Variants in NBEAL1 observed in about 807,000 individuals in gnomAD.
The protein encoded by NBEAL1 is neurobeachin like 1, also known as neurobeachin-like protein 1.
NBEAL1 carries 273 observed loss-of-function variants against 351.3 expected under a neutral mutation model. The ratio of observed to expected loss-of-function variants is 0.78; its 90% confidence interval spans 0.70 to 0.86. The LOEUF is 0.86. NBEAL1 is among the 40% of genes least tolerant of loss of function. The pLI is 0.00. For missense variants in NBEAL1, 2,961 were observed against 3,201.3 expected, an observed-to-expected ratio of 0.92 and a Z score of 1.81; for synonymous variants, 1,050 against 1,086.4, an observed-to-expected ratio of 0.97 and a Z score of 0.66.
intron 3 of NBEAL1, among the ~76,000 whole-genome samples, chr2:203,045,475 C>T (rs1340135691): frequency 1.3e-5 from 2 of 152,082 alleles, no homozygotes; most frequent in Non-Finnish European, 2.9e-5. Flanking sequence ...ATGAAAGAAT[C>T]CAAAGCTACA....
At chr2:203,141,232 G>A (rs2106327462) in intron 31 of NBEAL1, among the ~76,000 whole-genome samples, 1 of 23,048 alleles carries the variant, frequency 4.3e-5, no homozygotes, top group East Asian at 1.4e-3. Flanking sequence ...TTAATTTGAT[G>A]AAATTTCCTA....
intron 33 of NBEAL1, among the ~76,000 whole-genome samples, chr2:203,145,397 C>A (rs2063484567): frequency 6.6e-6 from 1 of 151,890 alleles, no homozygotes; most frequent in African/African-American, 2.4e-5. Flanking sequence ...TTAATAGATC[C>A]CTCTAAGGAG....
chr2:203,184,896 T>TA (rs79340619), intron 44 of NBEAL1, among the ~76,000 whole-genome samples: 107 of 140,368 alleles, frequency 7.6e-4, no homozygotes, highest in Middle Eastern at 3.6e-3. Context: ...ACCCTGTATT[T>TA]AAAAAAAAAA....
intron 33 of NBEAL1, among the ~76,000 whole-genome samples, chr2:203,147,896 G>A (rs1234235445): frequency 6.6e-6 from 1 of 151,866 alleles, no homozygotes; most frequent in Non-Finnish European, 1.5e-5. Context: ...CTACCAGTTT[G>A]TATTCTCATC....
intron 8 of NBEAL1, among the ~76,000 whole-genome samples, chr2:203,079,538 C>A (rs1372240529): frequency 6.6e-6 from 1 of 152,102 alleles, no homozygotes; most frequent in Non-Finnish European, 1.5e-5. Context: ...CCCTCTGTTT[C>A]TTTCTCTATC....
intron 12 of NBEAL1, among the ~76,000 whole-genome samples, chr2:203,103,954 A>G (rs1381822750): frequency 6.6e-6 from 1 of 152,130 alleles, no homozygotes; most frequent in Non-Finnish European, 1.5e-5. Flanking sequence ...TTATTGTACT[A>G]TGGTTCGAGA....
At chr2:203,055,225 T>C (rs975409508) in intron 4 of NBEAL1, among the ~76,000 whole-genome samples, 8 of 152,218 alleles carry the variant, frequency 5.3e-5, no homozygotes, top group African/African-American at 1.9e-4. Flanking sequence ...GGAAGCAGAA[T>C]TCTTGCAGAG....
In NBEAL1 at chr2:203,220,334, A is replaced by G. The variant is rs907839727; in HGVS notation, c.*2980A>G. ...CCCTGTCTCTACTAAAAATACAAAA[A>G]TTTGCTGGGCATGGTGGCAGGTGCC... On this transcript the variant is annotated 3_prime_UTR_variant, in exon 56 of 56. Coordinates refer to ENST00000683969, the MANE Select transcript of NBEAL1 (RefSeq NM_001378026.1). 6.6e-6 allele frequency among the ~76,000 whole-genome samples: 1 copy of G among 152,026 alleles called. No homozygotes were observed. The highest frequency in any genetic ancestry group is 1.5e-5 in the Non-Finnish European group (1 of 68,010).
intron 2 of NBEAL1, among the ~76,000 whole-genome samples, chr2:203,034,717 G>A (rs1254240100): frequency 6.7e-6 from 1 of 148,580 alleles, no homozygotes; most frequent in East Asian, 1.9e-4. Context: ...GCCTCCCAAA[G>A]TGTTGGGATT....
intron 2 of NBEAL1, among the ~76,000 whole-genome samples, chr2:203,018,715 C>T (rs2060720213): frequency 6.6e-6 from 1 of 152,076 alleles, no homozygotes; most frequent in African/African-American, 2.4e-5. Flanking sequence ...GTCTGTCACC[C>T]AATTTTGACT....
intron 18 of NBEAL1, among the ~76,000 whole-genome samples, chr2:203,117,336 G>A (rs1268548450): frequency 6.6e-6 from 1 of 151,802 alleles, no homozygotes; most frequent in Admixed American, 6.6e-5. Flanking sequence ...GGTGGCGGGC[G>A]CCTGTAGTCC....
chr2:203,112,679 T>C (rs1457049832), intron 16 of NBEAL1, among the ~76,000 whole-genome samples: 1 of 152,102 alleles, frequency 6.6e-6, no homozygotes, highest in African/African-American at 2.4e-5. Flanking sequence ...TTATACATCA[T>C]AAAGAGAAAA....
In NBEAL1 at chr2:203,180,382, G is replaced by A; in HGVS notation, c.6465G>A (p.Arg2155=). 1 of 1,604,664 alleles carries A rather than the reference G, an allele frequency of 6.2e-7. No homozygotes were observed. Among genetic ancestry groups the A allele is most frequent in the South Asian group, 1.1e-5 (1 of 88,248 alleles). Residue 2155 remains arginine, a splice_region_variant and synonymous_variant, in exon 43 of 56, where the codon AGG becomes AGA. Coordinates refer to ENST00000683969, the MANE Select transcript of NBEAL1 (RefSeq NM_001378026.1). ...TTLHIQLQSG[R]FDCADRQFHS... The stretch of plus-strand genomic sequence containing the variant: ...CTTCTCTTTTAATTTCTACATGCAG[G>A]TTTGACTGTGCAGATCGACAGTTCC...
At chr2:203,180,690 A>G (rs1250492667) in intron 43 of NBEAL1, among the ~76,000 whole-genome samples, 178 bp downstream of exon 43, 1 of 152,160 alleles carries the variant, frequency 6.6e-6, no homozygotes, top group Non-Finnish European at 1.5e-5. Flanking sequence ...GAAGTGCTAT[A>G]GGGAACTAAG....
At chr2:203,182,050 A>T (rs903730878) in intron 43 of NBEAL1, 6 of 152,196 alleles carry the variant, frequency 3.9e-5, no homozygotes, top group Non-Finnish European at 8.8e-5. Context: ...AAGCAAATAT[A>T]TCAATTAGAA....
chr2:203,210,934 T>G, intron 53 of NBEAL1, 24 bp from the exon 54 acceptor site: 3 of 1,462,502 alleles, frequency 2.1e-6, no homozygotes, highest in Non-Finnish European at 2.8e-6. Flanking sequence ...TTGAAATTGT[T>G]GAATTTTCCT....
chr2:203,042,640 T>C (rs371867786), intron 3 of NBEAL1, among the ~76,000 whole-genome samples: 1 of 151,894 alleles, frequency 6.6e-6, no homozygotes, highest in African/African-American at 2.4e-5. Context: ...CGACAGGCTG[T>C]GCAGTGGCAC....
chr2:203,125,883 G>A lies in NBEAL1; in HGVS notation c.2852-77G>A, dbSNP rs2062926679. 4 of 1,192,484 alleles carry A rather than the reference G, an allele frequency of 3.4e-6. No homozygotes were observed. The East Asian group carries it at 1.1e-4, about 33-fold the overall frequency. The allele number at this position is 1,192,484 out of a possible 1,614,324, so 73.9% of individuals were successfully genotyped here. On this transcript the variant is annotated intron_variant, in intron 20 of 55. Transcript: ENST00000683969. ...CCAGATTTCTACTTTGTGTAACAGT[G>A]TGCATTAAGATATAGAAAATGTGAT... is the stretch of plus-strand genomic sequence containing the variant.
intron 45 of NBEAL1, among the ~76,000 whole-genome samples, chr2:203,188,882 T>G (rs1172682109): frequency 6.6e-6 from 1 of 152,202 alleles, no homozygotes; most frequent in Non-Finnish European, 1.5e-5. Flanking sequence ...AGTAGCAGAT[T>G]TTGAAACAAG....
Sources: allele counts gnomAD v4.1 joint callset (sites outside exome capture counted in the v4.1 genomes callset), GRCh38; gene constraint gnomAD v4.1.1; transcripts MANE v1.5; gene names NCBI Gene and HGNC (gene_info 2026-07-23, HGNC 2026-07-21).